Variants in DENND2B observed in about 807,000 individuals in gnomAD.
The protein encoded by DENND2B is DENN domain containing 2B.
In DENND2B, 32 loss-of-function variants were observed where a neutral mutation model predicts 116.0. The ratio of observed to expected loss-of-function variants is 0.28; its 90% CI spans 0.21 to 0.37. The LOEUF is 0.37. DENND2B is among the 10% of genes least tolerant of loss of function. The pLI is 1.00. For missense variants in DENND2B, 1,276 were observed against 1,477.7 expected, an observed-to-expected ratio of 0.86 and a Z score of 2.24; for synonymous variants, 588 against 583.9, an observed-to-expected ratio of 1.01 and a Z score of -0.10.
At chr11:8,795,778 T>C (rs1287112407) in intron 1 of DENND2B, among the ~76,000 whole-genome samples, 2 of 152,222 alleles carry the variant, frequency 1.3e-5, no homozygotes, top group Non-Finnish European at 2.9e-5. Flanking sequence ...GCTTTCTGGA[T>C]GGTTCAATCC....
rs1565854666 is a variant in DENND2B at position 8,754,064 on chromosome 11, A to ACACACACAC, written c.-25-3340_-25-3339insGTGTGTGTG. ...ACACACACACACACACACACACACA[A>ACACACACAC]AGGACATGAATTGTACTATGTCAAA... On this transcript the variant is annotated intron_variant, in intron 1 of 19. Coordinates refer to ENST00000313726, the MANE Select transcript of DENND2B (RefSeq NM_213618.2). 6.4e-5 allele frequency among the ~76,000 whole-genome samples: 5 copies of ACACACACAC among 77,760 alleles called. No homozygotes were observed. In the East Asian group the frequency reaches 1.4e-3, roughly 21 times the overall value. The allele number at this position is 77,760 out of a possible 152,430, so 51.0% of individuals were successfully genotyped here.
chr11:8,877,404 C>CT (rs1173284773), intron 2 of DENND2B: 104 of 144,552 alleles, frequency 7.2e-4, no homozygotes, highest in African/African-American at 9.8e-4. Flanking sequence ...CGTGCCCGGC[C>CT]TTTTTTTTTT....
chr11:8,866,851 T>C (rs978982627), intron 2 of DENND2B, among the ~76,000 whole-genome samples: 5 of 152,192 alleles, frequency 3.3e-5, no homozygotes, highest in Admixed American at 2.6e-4. Context: ...CTGACCCATG[T>C]AGAGGTCCTG....
chr11:8,783,133 T>C (rs1205210127), intron 1 of DENND2B, among the ~76,000 whole-genome samples: 2 of 142,788 alleles, frequency 1.4e-5, no homozygotes, highest in Non-Finnish European at 3.0e-5. Flanking sequence ...CAGCTCAACA[T>C]AGCCTCCAAC....
At chr11:8,870,408 C>A (rs1707465623) in intron 2 of DENND2B, among the ~76,000 whole-genome samples, 1 of 152,150 alleles carries the variant, frequency 6.6e-6, no homozygotes, top group Non-Finnish European at 1.5e-5. Flanking sequence ...AAAAAGTGAA[C>A]CATCCACAAA....
At chr11:8,696,773 C>G (rs1054564315) in intron 17 of DENND2B, 107 bp from the exon 18 acceptor site, 13 of 1,497,488 alleles carry the variant, frequency 8.7e-6, no homozygotes, top group Non-Finnish European at 1.2e-5. Flanking sequence ...CCAGCCAGTA[C>G]CACTCTTCTG....
chr11:8,727,779 T>TGG (rs2133906744), intron 3 of DENND2B, among the ~76,000 whole-genome samples: 1 of 152,176 alleles, frequency 6.6e-6, no homozygotes, highest in East Asian at 1.9e-4. Context: ...CAGGTAGCCC[T>TGG]CAAGTCAGTA....
At chr11:8,694,601 G>A in intron 19 of DENND2B, 1 of 456,638 alleles carries the variant, frequency 2.2e-6, no homozygotes, top group Non-Finnish European at 4.4e-6. Context: ...GGTAAATACA[G>A]CCTGTCCTCC....
Position 8,712,722 on chromosome 11 carries a change from G to A in DENND2B, c.2001C>T (p.Arg667=). 2 of 1,611,758 alleles carry A rather than the reference G, an allele frequency of 1.2e-6. No individual in the cohort carries two copies. Among genetic ancestry groups the A allele is most frequent in the South Asian group, 2.2e-5 (2 of 90,596 alleles). ...SDDRFKAHTQ[R]LVHIQSMLKR... ...TCAGCATCGACTGGATGTGGACCAGGCGCTGTGTGTGGGCTGGAGGCAGGT... is the reference window on the plus strand; with the variant it reads ...TCAGCATCGACTGGATGTGGACCAGACGCTGTGTGTGGGCTGGAGGCAGGT... Residue 667 remains arginine, a synonymous_variant, in exon 9 of 20, where the codon CGC becomes CGT. Coordinates refer to ENST00000313726, the MANE Select transcript of DENND2B (RefSeq NM_213618.2). The surrounding 1 kb of genome is among the most constrained non-coding windows in gnomAD (Gnocchi z 4.4).
intron 2 of DENND2B, among the ~76,000 whole-genome samples, chr11:8,861,538 C>G (rs950417071): frequency 6.6e-6 from 1 of 152,166 alleles, no homozygotes; most frequent in African/African-American, 2.4e-5. Context: ...AACAATAGAT[C>G]TTGACATGGA....
intron 3 of DENND2B, among the ~76,000 whole-genome samples, chr11:8,847,201 T>C (rs1192929080): frequency 1.3e-5 from 2 of 152,228 alleles, no homozygotes; most frequent in Non-Finnish European, 2.9e-5. Context: ...GCCCACATGG[T>C]ACAAACCACG....
intron 2 of DENND2B, among the ~76,000 whole-genome samples, chr11:8,865,833 C>G (rs1483717865): frequency 7.3e-6 from 1 of 137,566 alleles, no homozygotes; most frequent in Non-Finnish European, 1.6e-5. Context: ...TTCTACCATA[C>G]TAGGAGATTA....
chr11:8,695,648 G>C, intron 18 of DENND2B, 99 bp from the exon 19 acceptor site: 2 of 1,030,228 alleles, frequency 1.9e-6, no homozygotes, highest in Non-Finnish European at 2.9e-6. Flanking sequence ...TGCCAAAAAA[G>C]GAGAAAGAAA....
intron 3 of DENND2B, among the ~76,000 whole-genome samples, chr11:8,843,675 T>C (rs1344349089): frequency 6.6e-6 from 1 of 152,008 alleles, no homozygotes; most frequent in Non-Finnish European, 1.5e-5. Context: ...AATACACAAA[T>C]CCTGTCACAA....
chr11:8,766,629 G>A (rs766664576), intron 1 of DENND2B: 21 of 1,289,124 alleles, frequency 1.6e-5, no homozygotes, highest in African/African-American at 7.6e-5. Flanking sequence ...AGATCTGCAC[G>A]AAAATACCTT....
intron 4 of DENND2B, among the ~76,000 whole-genome samples, chr11:8,826,600 C>G (rs930653621): frequency 4.6e-5 from 7 of 152,148 alleles, no homozygotes; most frequent in Non-Finnish European, 8.8e-5. Context: ...ATTCAACATC[C>G]GGTTCTTATC....
intron 1 of DENND2B, among the ~76,000 whole-genome samples, chr11:8,901,237 T>TC: frequency 7.3e-6 from 1 of 137,812 alleles, no homozygotes; most frequent in Non-Finnish European, 1.6e-5. Flanking sequence ...TTCTTTTTTT[T>TC]TTTTTTTTTT....
intron 4 of DENND2B, among the ~76,000 whole-genome samples, chr11:8,721,675 G>C (rs766414129): frequency 1.3e-5 from 2 of 152,174 alleles, no homozygotes; most frequent in Admixed American, 1.3e-4. Flanking sequence ...ACCATTTCTC[G>C]ACAGCCCCGG....
chr11:8,766,596 G>A (rs1164127517), intron 1 of DENND2B: 1 of 1,287,880 alleles, frequency 7.8e-7, no homozygotes, highest in Non-Finnish European at 1.0e-6. Flanking sequence ...CCACTGAAAG[G>A]CCAACTCAGG....
Sources: gnomAD v4.1 joint callset for allele counts (sites outside exome capture counted in the v4.1 genomes callset) on GRCh38, gnomAD v4.1.1 for gene constraint, Gnocchi (gnomAD v3.1) non-coding constraint, MANE v1.5 for transcripts, NCBI Gene and HGNC (gene_info 2026-07-23, HGNC 2026-07-21) for gene names.